Variants in WDPCP observed in about 807,000 individuals in gnomAD.
WDPCP encodes WD repeat containing planar cell polarity effector.
In WDPCP, 71 loss-of-function variants were observed where a neutral mutation model predicts 93.1. The observed-to-expected ratio is 0.76, with a 90% CI of 0.63 to 0.93. WDPCP has a LOEUF of 0.93. WDPCP is among the 40% of genes least tolerant of loss of function. WDPCP has a pLI of 0.00. For synonymous variants in WDPCP, 315 were observed against 315.0 expected (o/e 1.00, Z 0.00); for missense variants, 844 against 887.4 (o/e 0.95, Z 0.62).
intron 3 of WDPCP, among the ~76,000 whole-genome samples, chr2:63,638,542 C>T (rs1709946568): frequency 6.6e-6 from 1 of 152,040 alleles, no homozygotes; most frequent in Non-Finnish European, 1.5e-5. Flanking sequence ...GTAATCCCAA[C>T]ACTTTGGAAG....
At chr2:63,624,580 G>A (rs1430980114) in intron 3 of WDPCP, among the ~76,000 whole-genome samples, 9 of 152,218 alleles carry the variant, frequency 5.9e-5, no homozygotes, top group Middle Eastern at 3.4e-3. Context: ...AGAAAATCTA[G>A]AAGAAATGGA....
intron 1 of WDPCP, among the ~76,000 whole-genome samples, chr2:63,824,537 C>CAAAA (rs70965144): frequency 8.2e-5 from 7 of 85,316 alleles, no homozygotes; most frequent in South Asian, 4.7e-4. Flanking sequence ...GACCATGTTT[C>CAAAA]AAAAAAAAAA....
At chr2:63,815,895 T>A (rs202047515) in intron 1 of WDPCP, among the ~76,000 whole-genome samples, 2 of 141,264 alleles carry the variant, frequency 1.4e-5, no homozygotes, top group East Asian at 8.8e-4. Flanking sequence ...GTTTATTTTT[T>A]GCTTTTTTTT....
At position 63,763,851 on chromosome 2, in the gene WDPCP, G is replaced by T. The variant is rs188378441; in HGVS notation, n.308+49771C>A. On this transcript the variant is annotated intron_variant and non_coding_transcript_variant, in intron 2 of 4. Coordinates refer to the WDPCP transcript ENST00000467687. ...ACATTAAATCCAGCTGGCTTCAAACGGTACAGGGTGGTGGTGTTGGGGGGA... is the reference window on the plus strand; with the variant it reads ...ACATTAAATCCAGCTGGCTTCAAACTGTACAGGGTGGTGGTGTTGGGGGGA... 3.3e-5 allele frequency among the ~76,000 whole-genome samples: 5 copies of T among 152,144 alleles called. No individual in the cohort carries two copies. In the East Asian group the frequency reaches 9.6e-4, roughly 29 times the overall value.
chr2:63,705,858 C>T (rs1669143366), intron 2 of WDPCP, among the ~76,000 whole-genome samples: 1 of 151,784 alleles, frequency 6.6e-6, no homozygotes, highest in South Asian at 2.1e-4. Flanking sequence ...TCCTTGTTAA[C>T]TTTCTGTCTT....
At position 63,138,741 on chromosome 2, in the gene WDPCP, C is replaced by T. The variant is rs188989099; in HGVS notation, c.2190+14173G>A. Among the ~76,000 whole-genome samples, 108 of 152,220 alleles carry T rather than the reference C, an allele frequency of 7.1e-4. 1 individual carries two copies. The highest frequency in any genetic ancestry group is 1.8e-3 in the Admixed American group (27 of 15,288). On this transcript the variant is annotated intron_variant, in intron 17 of 17. Coordinates refer to ENST00000272321, the MANE Select transcript of WDPCP (RefSeq NM_015910.7). ...TTCTGGGATTACAGGCATGAGCCAC[C>T]GTGCCCGGCACATGAGTAAGTTCTT...
At chr2:63,585,625 G>A (rs1048352629) in intron 1 of WDPCP, among the ~76,000 whole-genome samples, 1 of 151,956 alleles carries the variant, frequency 6.6e-6, no homozygotes, top group Non-Finnish European at 1.5e-5. Context: ...AGACAGCAAT[G>A]TAAAGGCATC....
intron 2 of WDPCP, among the ~76,000 whole-genome samples, chr2:63,740,026 C>G (rs1019552807): frequency 6.6e-6 from 1 of 151,932 alleles, no homozygotes; most frequent in African/African-American, 2.4e-5. Context: ...ATAATTTGTT[C>G]ACTGTCATTG....
chr2:63,557,585 A>C (rs1036570137), intron 1 of WDPCP, among the ~76,000 whole-genome samples: 2 of 152,072 alleles, frequency 1.3e-5, no homozygotes, highest in African/African-American at 4.8e-5. Flanking sequence ...CCCCACTGTC[A>C]ATATTAGACA....
chr2:63,411,353 T>C (rs1001889073), intron 9 of WDPCP, among the ~76,000 whole-genome samples: 1 of 152,002 alleles, frequency 6.6e-6, no homozygotes, highest in Admixed American at 6.6e-5. Context: ...TGACACAACC[T>C]ACAAAAACCT....
intron 1 of WDPCP, among the ~76,000 whole-genome samples, chr2:63,549,554 G>C (rs994548629): frequency 6.6e-6 from 1 of 152,248 alleles, no homozygotes; most frequent in South Asian, 2.1e-4. Context: ...GGATCACAAG[G>C]TCAGGAGTTC....
At chr2:63,564,175 C>A (rs1706848146) in intron 1 of WDPCP, 1 of 152,124 alleles carries the variant, frequency 6.6e-6, no homozygotes, top group Non-Finnish European at 1.5e-5. Context: ...TGGAAAGGTG[C>A]TTCATTATAA....
intron 1 of WDPCP, among the ~76,000 whole-genome samples, chr2:63,511,411 T>C (rs1702225072): frequency 6.6e-6 from 1 of 152,186 alleles, no homozygotes; most frequent in Non-Finnish European, 1.5e-5. Flanking sequence ...AAATTTCATA[T>C]GGAACCAAAA....
At chr2:63,205,908 T>C (rs1676302105) in intron 14 of WDPCP, among the ~76,000 whole-genome samples, 1 of 152,214 alleles carries the variant, frequency 6.6e-6, no homozygotes, top group African/African-American at 2.4e-5. Context: ...GTCCCCATAC[T>C]TAGAGGAAAG....
At chr2:63,587,481 C>G (rs1199964573) in intron 1 of WDPCP, among the ~76,000 whole-genome samples, 1 of 152,138 alleles carries the variant, frequency 6.6e-6, no homozygotes. Flanking sequence ...ATCCTCCAAA[C>G]TGAAATAGAG....
intron 10 of WDPCP, among the ~76,000 whole-genome samples, chr2:63,391,453 C>T (rs1242743762): frequency 1.3e-5 from 2 of 152,106 alleles, no homozygotes; most frequent in Admixed American, 1.3e-4. Context: ...TGGGCAAAAA[C>T]GGGAAGCATT....
chr2:63,835,784 C>A, the WDPCP span, among the ~76,000 whole-genome samples: 1 of 152,086 alleles, frequency 6.6e-6, no homozygotes, highest in African/African-American at 2.4e-5. Flanking sequence ...ATCATATTAT[C>A]CATCTAATGA....
chr2:63,654,956 A>G (rs1371596770), intron 2 of WDPCP, among the ~76,000 whole-genome samples: 2 of 152,156 alleles, frequency 1.3e-5, no homozygotes, highest in Non-Finnish European at 2.9e-5. Flanking sequence ...TCAGCTCCTC[A>G]TGCCTGAGCC....
chr2:63,570,827 G>A (rs1163675054), intron 1 of WDPCP, among the ~76,000 whole-genome samples: 2 of 152,082 alleles, frequency 1.3e-5, no homozygotes, highest in African/African-American at 2.4e-5. Flanking sequence ...GTAGCTTGGA[G>A]CATAAACTCT....
Sources: allele counts gnomAD v4.1 joint callset (sites outside exome capture counted in the v4.1 genomes callset), GRCh38; gene constraint gnomAD v4.1.1; transcripts MANE v1.5; gene names NCBI Gene and HGNC (gene_info 2026-07-23, HGNC 2026-07-21).